Variants in MIS18BP1 observed in about 807,000 individuals in gnomAD.
MIS18BP1 encodes MIS18 binding protein 1.
A neutral mutation model predicts 116.1 loss-of-function variants in MIS18BP1; 72 were observed. That is an observed-to-expected ratio of 0.62 (90% CI 0.51 to 0.75). The LOEUF (loss-of-function observed/expected upper bound fraction) is 0.75. MIS18BP1 is among the 30% of genes least tolerant of loss of function. MIS18BP1 has a pLI of 0.00. For synonymous variants in MIS18BP1, 386 were observed against 427.0 expected, an observed-to-expected ratio of 0.90 and a Z score of 1.18; for missense variants, 1,363 against 1,303.2, an observed-to-expected ratio of 1.05 and a Z score of -0.71.
In MIS18BP1 at chr14:45,204,537, C is replaced by T. The variant is rs1016269139; in HGVS notation, c.3241-84G>A. 1.8e-4 allele frequency: 170 copies of T among 946,044 alleles called. No homozygotes were observed. In the African/African-American group the frequency reaches 2.2e-3, roughly 12 times the overall value. The allele number at this position is 946,044 out of a possible 1,614,324, so 58.6% of individuals were successfully genotyped here. ...TCTAGACAAAATTAAGCATGCTTAT[C>T]CCCAGATTACTTTGAACATATGCCT... is the stretch of plus-strand genomic sequence containing the variant. On this transcript the variant is annotated intron_variant, in intron 15 of 16. Coordinates refer to ENST00000310806, the MANE Select transcript of MIS18BP1 (RefSeq NM_018353.5).
intron 1 of MIS18BP1, among the ~76,000 whole-genome samples, chr14:45,250,424 T>G (rs1169726609): frequency 6.6e-6 from 1 of 152,110 alleles, no homozygotes. Context: ...AACAAAGAAA[T>G]CAGCCTCTGA....
intron 1 of MIS18BP1, among the ~76,000 whole-genome samples, chr14:45,250,557 T>TGGAGGTCACTCC (rs1891841358): frequency 6.6e-6 from 1 of 152,254 alleles, no homozygotes; most frequent in African/African-American, 2.4e-5. Context: ...AAGAAATTGT[T>TGGAGGTCACTCC]AGTTCCTCTC....
Position 45,224,394 on chromosome 14 carries a change from A to T in MIS18BP1, c.2193T>A (p.Leu731=). 6.2e-7 allele frequency: 1 copy of T among 1,613,562 alleles called. No homozygotes were observed. The highest frequency in any genetic ancestry group is 1.1e-5 in the South Asian group (1 of 90,932). ...CAGAGGTGAGCATTTGTTCCTTTTC[A>T]AGGTTAGATATTTTTATTTTCCGGT... The part of the protein sequence containing the change: ...TVNRKIKISN[L]EKEQMLTSDF... The change falls in exon 11 of 17, where the codon CTT becomes CTA. Residue 731 remains leucine, a synonymous_variant. Transcript: ENST00000310806.
intron 6 of MIS18BP1, among the ~76,000 whole-genome samples, chr14:45,234,928 A>G (rs1891381553): frequency 6.6e-6 from 1 of 152,214 alleles, no homozygotes; most frequent in South Asian, 2.1e-4. Flanking sequence ...TAAAACTCAC[A>G]CAAATTAGGC....
At chr14:45,228,359 A>C (rs1161069338) in intron 8 of MIS18BP1, among the ~76,000 whole-genome samples, 2 of 152,190 alleles carry the variant, frequency 1.3e-5, no homozygotes, top group Non-Finnish European at 2.9e-5. Flanking sequence ...TCTGTTTTGG[A>C]TCTCCTTTGT....
intron 7 of MIS18BP1, 101 bp from the exon 8 acceptor site, chr14:45,231,399 T>G: frequency 9.8e-7 from 1 of 1,019,280 alleles, no homozygotes; most frequent in Non-Finnish European, 1.4e-6. Context: ...CATAAAGCTC[T>G]TTCCACCCAG....
At chr14:45,206,058 G>A (rs773629241) in intron 15 of MIS18BP1, 25 bp downstream of exon 15, 1 of 1,439,994 alleles carries the variant, frequency 6.9e-7, no homozygotes, top group Admixed American at 1.7e-5. Flanking sequence ...TCATAGATAT[G>A]TATTGGATAA....
chr14:45,221,420 G>C (rs1890972513), intron 11 of MIS18BP1, among the ~76,000 whole-genome samples: 1 of 152,136 alleles, frequency 6.6e-6, no homozygotes, highest in South Asian at 2.1e-4. Context: ...CTGGGCGACA[G>C]AGCAAGACTC....
intron 10 of MIS18BP1, among the ~76,000 whole-genome samples, chr14:45,226,204 G>A (rs752634259): frequency 6.6e-6 from 1 of 152,132 alleles, no homozygotes; most frequent in African/African-American, 2.4e-5. Context: ...GGAAGTATAA[G>A]TAGCACTGCT....
chr14:45,247,283 T>C lies in MIS18BP1; in HGVS notation c.4A>G (p.Ile2Val). The C allele has an allele frequency of 6.5e-7, 1 of 1,540,346 alleles. No individual in the cohort carries two copies. The highest frequency in any genetic ancestry group is 8.7e-7 in the Non-Finnish European group (1 of 1,149,540). Residue 2 changes from isoleucine to valine, a missense_variant, in exon 2 of 17, where the codon ATT (isoleucine) becomes GTT (valine). By Grantham distance (29) the Ile-to-Val change is conservative. Transcript: ENST00000310806. ...CTTGAATGTTTCAAAGGTGTTGCAA[T>C]CATCTTGACAAGAAAGTAGCAACCA... M[I>V]ATPLKHSRIY...
At chr14:45,229,794 G>C (rs573876833) in intron 8 of MIS18BP1, among the ~76,000 whole-genome samples, 2 of 152,276 alleles carry the variant, frequency 1.3e-5, no homozygotes, top group Admixed American at 1.3e-4. Flanking sequence ...GTAGAGAGCA[G>C]GTGCCGAAGC....
intron 13 of MIS18BP1, among the ~76,000 whole-genome samples, chr14:45,213,531 CAGAT>C (rs1264439876): frequency 1.3e-5 from 2 of 152,164 alleles, no homozygotes; most frequent in Non-Finnish European, 2.9e-5. Flanking sequence ...TGTAAATAAT[CAGAT>C]AGGGAATATT....
At chr14:45,249,107 T>G (rs1594531369) in intron 1 of MIS18BP1, among the ~76,000 whole-genome samples, 1 of 152,070 alleles carries the variant, frequency 6.6e-6, no homozygotes, top group East Asian at 1.9e-4. Flanking sequence ...TTTGTTTGTT[T>G]CTGAGAGGGA....
intron 12 of MIS18BP1, among the ~76,000 whole-genome samples, 188 bp from the exon 13 acceptor site, chr14:45,217,367 T>C (rs1320793592): frequency 6.6e-6 from 1 of 152,030 alleles, no homozygotes; most frequent in Admixed American, 6.5e-5. Flanking sequence ...GCAGGAGGAA[T>C]GCTTGAGCCC....
At chr14:45,208,337 T>C (rs1890579110) in intron 14 of MIS18BP1, among the ~76,000 whole-genome samples, 1 of 149,752 alleles carries the variant, frequency 6.7e-6, no homozygotes, top group Non-Finnish European at 1.5e-5. Context: ...GTTGTTTTTT[T>C]TTTTTTTTTT....
In MIS18BP1 at chr14:45,231,128, A is replaced by C. The variant is rs1030209318; in HGVS notation, c.1594+13T>G. The C allele has an allele frequency of 2.5e-6, 4 of 1,610,520 alleles. No individual in the cohort carries two copies. In the Admixed American group the frequency reaches 6.7e-5, roughly 27 times the overall value. ...AACCACTGTACCAACAGAGAAGTAAAGACAAAACATACCCAAATTATCACA... is the reference window on the plus strand; with the variant it reads ...AACCACTGTACCAACAGAGAAGTAACGACAAAACATACCCAAATTATCACA... On this transcript the variant is annotated intron_variant, in intron 8 of 16. Transcript: ENST00000310806.
At chr14:45,248,039 T>C (rs1891768561) in intron 1 of MIS18BP1, among the ~76,000 whole-genome samples, 1 of 150,938 alleles carries the variant, frequency 6.6e-6, no homozygotes, top group Non-Finnish European at 1.5e-5. Context: ...TACGTAGTTT[T>C]AGTCTTGTTT....
intron 2 of MIS18BP1, among the ~76,000 whole-genome samples, chr14:45,244,120 C>G (rs1891663493): frequency 6.6e-6 from 1 of 152,106 alleles, no homozygotes; most frequent in Admixed American, 6.5e-5. Flanking sequence ...TACCCACAAC[C>G]TACTGTGTAG....
At chr14:45,214,992 C>A (rs1890776868) in intron 13 of MIS18BP1, among the ~76,000 whole-genome samples, 1 of 152,214 alleles carries the variant, frequency 6.6e-6, no homozygotes, top group Non-Finnish European at 1.5e-5. Context: ...CTCAGGTGAT[C>A]TGCCCACCTT....
Sources: allele counts gnomAD v4.1 joint callset (sites outside exome capture counted in the v4.1 genomes callset), GRCh38; gene constraint gnomAD v4.1.1; transcripts MANE v1.5; gene names NCBI Gene and HGNC (gene_info 2026-07-23, HGNC 2026-07-21).